Variants in GART observed in about 807,000 individuals in gnomAD.
GART encodes trifunctional purine biosynthetic protein adenosine-3.
GART carries 43 observed loss-of-function variants against 107.2 expected under a neutral mutation model. The observed-to-expected ratio is 0.40, with a 90% confidence interval of 0.31 to 0.52. GART has a LOEUF of 0.52. Among genes scored for constraint, GART ranks in the 20% least tolerant of loss-of-function variants. The pLI, the probability that GART is intolerant of heterozygous loss-of-function variation, is 0.52. For synonymous variants in GART, 434 were observed against 427.0 expected (o/e 1.02, Z -0.20); for missense variants, 1,107 against 1,206.5 (o/e 0.92, Z 1.22).
intron 16 of GART, among the ~76,000 whole-genome samples, 163 bp downstream of exon 16, chr21:33,516,826 A>G (rs942151789): frequency 3.3e-5 from 5 of 152,212 alleles, no homozygotes; most frequent in African/African-American, 1.2e-4. Context: ...ATAATGAAGC[A>G]AAAAGAGATA....
chr21:33,504,939 G>C (rs1294777906), intron 20 of GART, among the ~76,000 whole-genome samples: 1 of 152,150 alleles, frequency 6.6e-6, no homozygotes, highest in African/African-American at 2.4e-5. Flanking sequence ...TGTCACCAAA[G>C]GCATTGTCTA....
intron 2 of GART, among the ~76,000 whole-genome samples, chr21:33,535,682 A>C (rs771845717): frequency 3.9e-5 from 6 of 152,218 alleles, no homozygotes; most frequent in Non-Finnish European, 5.9e-5. Context: ...CAATCAATCA[A>C]TTGTACTGAA....
chr21:33,528,928 C>T lies in GART; in HGVS notation c.733G>A (p.Asp245Asn). The T allele has an allele frequency of 6.2e-7, 1 of 1,609,166 alleles. No homozygotes were observed. Residue 245 changes from aspartate (D) to asparagine (N), a missense_variant, in exon 8 of 22, where the codon GAT becomes AAT. Transcript: ENST00000381815. Reference protein sequence around the residue: ...AYCPAPQVSNDLLLKIKDTVL... With the variant: ...AYCPAPQVSNNLLLKIKDTVL... Reference sequence around the variant, plus strand: ...GTATCTTTAATTTTTAGTAATAGATCATTAGAAACCTGGAGAACGTGCAGA... The same window carrying T: ...GTATCTTTAATTTTTAGTAATAGATTATTAGAAACCTGGAGAACGTGCAGA...
At chr21:33,534,873 G>T in intron 3 of GART, 120 bp from the exon 4 acceptor site, 1 of 807,030 alleles carries the variant, frequency 1.2e-6, no homozygotes, top group Non-Finnish European at 1.8e-6. Context: ...TGGTGGCAGA[G>T]GATAACTAAC....
intron 17 of GART, chr21:33,510,152 TA>T: frequency 2.2e-6 from 1 of 463,944 alleles, no homozygotes; most frequent in East Asian, 4.0e-5. Flanking sequence ...ATCACATCAC[TA>T]TCTTGAAGTG....
At chr21:33,525,752 A>G in intron 10 of GART, among the ~76,000 whole-genome samples, 1 of 152,194 alleles carries the variant, frequency 6.6e-6, no homozygotes, top group East Asian at 1.9e-4. Flanking sequence ...TTAGGATGAC[A>G]ACCTAAATTC....
At chr21:33,511,670 A>G (rs1015773697) in intron 16 of GART, among the ~76,000 whole-genome samples, 1 of 152,148 alleles carries the variant, frequency 6.6e-6, no homozygotes, top group African/African-American at 2.4e-5. Flanking sequence ...CTTGGCCAGT[A>G]CTCACAAATG....
At position 33,537,490 on chromosome 21, in the gene GART, A is replaced by T. The variant is rs574001050; in HGVS notation, c.145+1681T>A. On this transcript the variant is annotated intron_variant, in intron 2 of 21. Coordinates refer to ENST00000381815, the MANE Select transcript of GART (RefSeq NM_000819.5). ...TACATTCTACTAGAGATTATATTCTAGTGGAGGAAAAGAACATAGAAGACA... is the reference window on the plus strand; with the variant it reads ...TACATTCTACTAGAGATTATATTCTTGTGGAGGAAAAGAACATAGAAGACA... Among the ~76,000 whole-genome samples the T allele has an allele frequency of 1.2e-4, 19 of 152,326 alleles. No individual in the cohort carries two copies. The South Asian group carries it at 2.1e-3, about 17-fold the overall frequency.
Position 33,505,576 on chromosome 21 carries a change from C to G in GART, c.2710G>C (p.Val904Leu), listed in dbSNP as rs1408297022. The G allele has an allele frequency of 1.3e-6, 2 of 1,593,214 alleles. No homozygotes were observed. The highest frequency in any genetic ancestry group is 1.7e-6 in the Non-Finnish European group (2 of 1,173,194). The change falls in exon 20 of 22, where the codon GTC becomes CTC. Residue 904 changes from valine (V) to leucine (L), a missense_variant. Coordinates refer to ENST00000381815, the MANE Select transcript of GART (RefSeq NM_000819.5). ...TTTTGCTTACCATTCCACTTTTGGA[C>G]AAAGGGGCCAGAAAGAATTCTCATG... ...GFMRILSGPF[V>L]QKWNGKMLNI...
At chr21:33,522,078 T>C (rs2084983554) in intron 12 of GART, 110 bp downstream of exon 12, 11 of 784,618 alleles carry the variant, frequency 1.4e-5, no homozygotes, top group Non-Finnish European at 1.9e-5. Flanking sequence ...AGGGCAAAAC[T>C]TACAGTAACC....
chr21:33,511,573 G>T, intron 16 of GART, 115 bp from the exon 17 acceptor site: 1 of 1,076,718 alleles, frequency 9.3e-7, no homozygotes. Flanking sequence ...TTTTATGTAG[G>T]GTAAAACTAT....
rs1228564858 is a variant in GART at position 33,531,524 on chromosome 21, C to T, written c.562G>A (p.Val188Ile). Residue 188 changes from valine to isoleucine, a missense_variant, in exon 6 of 22, where the codon GTC becomes ATC. Coordinates refer to ENST00000381815, the MANE Select transcript of GART (RefSeq NM_000819.5). ...KAFGAAGETI[V>I]IEELLDGEEV... is the part of the protein sequence containing the mutation. ...TCTCCGTCAAGAAGTTCTTCAATGACAATTGTTTCTCCAGCTGCCCCAAAG... is the reference window on the plus strand; with the variant it reads ...TCTCCGTCAAGAAGTTCTTCAATGATAATTGTTTCTCCAGCTGCCCCAAAG... The T allele has an allele frequency of 6.2e-7, 1 of 1,608,798 alleles. No homozygotes were observed. The highest frequency in any genetic ancestry group is 1.1e-5 in the South Asian group (1 of 90,756).
chr21:33,532,385 CTCTT>C lies in GART; in HGVS notation c.484_487del (p.Lys162AlafsTer86), dbSNP rs1259319539. On this transcript the variant is annotated frameshift_variant, in exon 5 of 22. Transcript: ENST00000381815. LOFTEE classifies it high-confidence loss of function. ...TACAGCTTTGCAGGCCTCTTCTTTG[CTCTT>C]TGCAACAATCACCCCTTTTCCAGCT... 4.3e-6 allele frequency: 7 copies of C among 1,613,998 alleles called. No individual in the cohort carries two copies. The highest frequency in any genetic ancestry group is 5.9e-6 in the Non-Finnish European group (7 of 1,180,034).
intron 10 of GART, among the ~76,000 whole-genome samples, chr21:33,526,128 C>T (rs796346083): frequency 7.2e-5 from 11 of 152,034 alleles, no homozygotes; most frequent in African/African-American, 2.7e-4. Flanking sequence ...CTGGGCCTCC[C>T]AAAGTGCTGG....
chr21:33,504,831 A>G (rs960089043), intron 20 of GART, among the ~76,000 whole-genome samples: 2 of 152,234 alleles, frequency 1.3e-5, no homozygotes, highest in Non-Finnish European at 2.9e-5. Context: ...ACTATTAAAA[A>G]TAAGCAAGAG....
chr21:33,520,800 C>T, intron 13 of GART, 106 bp downstream of exon 13: 1 of 855,606 alleles, frequency 1.2e-6, no homozygotes, highest in Non-Finnish European at 1.9e-6. Flanking sequence ...GGTTATTTGG[C>T]ATGGTCCTTT....
intron 10 of GART, among the ~76,000 whole-genome samples, chr21:33,525,871 T>C (rs2085064173): frequency 2.1e-5 from 3 of 145,610 alleles, no homozygotes. Context: ...GGAACTTCCT[T>C]TTTTTTTTTT....
In GART at chr21:33,520,331, T is replaced by A. The variant is rs780338177; in HGVS notation, c.1702+33A>T. 2.6e-5 allele frequency: 41 copies of A among 1,592,952 alleles called. No homozygotes were observed. In the South Asian group the frequency reaches 4.4e-4, roughly 17 times the overall value. On this transcript the variant is annotated intron_variant, in intron 14 of 21. Transcript: ENST00000381815. ...TAGGGCTAAAACACAAAAAGAAGAATGACATGTTATTGATTAAAATGGCTG... is the reference window on the plus strand; with the variant it reads ...TAGGGCTAAAACACAAAAAGAAGAAAGACATGTTATTGATTAAAATGGCTG...
At chr21:33,531,945 C>T in intron 5 of GART, 1 of 245,436 alleles carries the variant, frequency 4.1e-6, no homozygotes, top group Non-Finnish European at 7.8e-6. Context: ...TCTACAAGGA[C>T]AGAAAACCCA....
Sources: gnomAD v4.1 joint callset for allele counts (sites outside exome capture counted in the v4.1 genomes callset) on GRCh38, gnomAD v4.1.1 for gene constraint, MANE v1.5 for transcripts, NCBI Gene and HGNC (gene_info 2026-07-23, HGNC 2026-07-21) for gene names.